PAX3: variants seen among roughly 807,000 people sequenced by gnomAD.
PAX3 encodes the protein paired box protein Pax-3.
A neutral mutation model predicts 51.6 loss-of-function variants in PAX3; 14 were observed. That is an observed-to-expected ratio of 0.27 (90% CI 0.18 to 0.42). The LOEUF (loss-of-function observed/expected upper bound fraction) is 0.42, where lower values mean the gene tolerates loss of function less well. Among genes scored for constraint, PAX3 ranks in the 10% least tolerant of loss-of-function variants. The pLI, the probability that PAX3 is intolerant of heterozygous loss-of-function variation, is 1.00. For missense variants in PAX3, 540 were observed against 642.8 expected (o/e 0.84, Z 1.73); for synonymous variants, 280 against 253.4 (o/e 1.11, Z -1.00).
chr2:222,244,717 G>A (rs1406034194), intron 4 of PAX3, among the ~76,000 whole-genome samples: 3 of 133,850 alleles, frequency 2.2e-5, no homozygotes, highest in Non-Finnish European at 4.6e-5. Context: ...CCCATAGTCA[G>A]ACAGTATATT....
chr2:222,294,094 G>C, intron 4 of PAX3, 73 bp downstream of exon 4: 1 of 1,605,388 alleles, frequency 6.2e-7, no homozygotes, highest in Non-Finnish European at 8.5e-7. Context: ...GCTGCCGTCA[G>C]ATCACCAATG....
chr2:222,244,092 C>T (rs1046188052), intron 4 of PAX3, among the ~76,000 whole-genome samples: 2 of 152,274 alleles, frequency 1.3e-5, no homozygotes, highest in African/African-American at 4.8e-5. Context: ...GTGTCACATC[C>T]AACCAATGGA....
rs770182620 is a variant in PAX3, at chr2:222,295,539, G to A, written c.440C>T (p.Thr147Ile). ...AATGGGCCTAGTACCTGACGGCACGGTGTTTCGATCACAGACCGCGTCCTT... is the reference window on the plus strand; with the variant it reads ...AATGGGCCTAGTACCTGACGGCACGATGTTTCGATCACAGACCGCGTCCTT... ...LLKDAVCDRNTVPSVSSISRI... is the reference protein window; with the variant it reads ...LLKDAVCDRNIVPSVSSISRI... Residue 147 changes from threonine (T) to isoleucine (I), a missense_variant, in exon 3 of 9, where the codon ACC becomes ATC. Around this residue, in one of 3 missense-constraint regions of PAX3, gnomAD observed 427 missense variants for 483.6 expected, o/e 0.88. Transcript: ENST00000392070. 5.6e-6 allele frequency: 9 copies of A among 1,614,246 alleles called. No homozygotes were observed. Among genetic ancestry groups the A allele is most frequent in the Non-Finnish European group, 7.6e-6 (9 of 1,180,044 alleles).
At chr2:222,258,929 T>G (rs564172820) in intron 4 of PAX3, among the ~76,000 whole-genome samples, 107 of 149,496 alleles carry the variant, frequency 7.2e-4, no homozygotes, top group African/African-American at 2.5e-3. Context: ...AATCTGCGGT[T>G]GACTGTGGCA....
At chr2:222,248,321 C>A (rs1171008640) in intron 4 of PAX3, among the ~76,000 whole-genome samples, 1 of 152,164 alleles carries the variant, frequency 6.6e-6, no homozygotes, top group East Asian at 1.9e-4. Context: ...AATGGACCAA[C>A]TGTTTGTCAT....
At chr2:222,204,822 A>G (rs998265044) in intron 7 of PAX3, among the ~76,000 whole-genome samples, 2 of 152,228 alleles carry the variant, frequency 1.3e-5, no homozygotes, top group African/African-American at 2.4e-5. Flanking sequence ...CTTACTTGAA[A>G]TTCAGTCAAT....
intron 4 of PAX3, among the ~76,000 whole-genome samples, chr2:222,292,549 C>T (rs1024316306): frequency 2.0e-5 from 3 of 152,216 alleles, no homozygotes; most frequent in South Asian, 2.1e-4. Context: ...CTGCCAGCGC[C>T]GGAGCCTCCA....
intron 7 of PAX3, among the ~76,000 whole-genome samples, chr2:222,217,479 A>G (rs952547006): frequency 6.6e-6 from 1 of 152,082 alleles, no homozygotes; most frequent in African/African-American, 2.4e-5. Flanking sequence ...TTCCCTCCCT[A>G]TCAATCCTTT....
chr2:222,229,963 C>T (rs1331689021), intron 5 of PAX3, among the ~76,000 whole-genome samples: 2 of 152,086 alleles, frequency 1.3e-5, no homozygotes, highest in African/African-American at 2.4e-5. Context: ...GCAAGTGGAT[C>T]GCTTGCACCT....
At position 222,220,200 on chromosome 2, in the gene PAX3, C is replaced by T; in HGVS notation, c.1113G>A (p.Val371=). The change falls in exon 7 of 9, where the codon GTG becomes GTA. Residue 371 remains valine (V), a synonymous_variant. Transcript: ENST00000392070. Reference sequence around the variant, plus strand: ...TGGGGTTGGAGGGCCCCGACGGAGGCACAAAGCTGTCTGTATAGCTGGAAA... The same window carrying T: ...TGGGGTTGGAGGGCCCCGACGGAGGTACAAAGCTGTCTGTATAGCTGGAAA... ...HGFSSYTDSF[V]PPSGPSNPMN... is the part of the protein sequence containing the mutation. 6.2e-7 allele frequency: 1 copy of T among 1,613,884 alleles called. No homozygotes were observed. The highest frequency in any genetic ancestry group is 2.2e-5 in the East Asian group (1 of 44,800).
chr2:222,260,591 GTTTTTTTTTTTT>G (rs374339768), intron 4 of PAX3, among the ~76,000 whole-genome samples: 1,789 of 63,112 alleles, frequency 0.028, 28 homozygotes, highest in Middle Eastern at 0.18. Context: ...TTTTTTTTTT[GTTTTTTTTTTTT>G]TTTTTTGAGG....
chr2:222,247,328 C>G (rs1693265134), intron 4 of PAX3, among the ~76,000 whole-genome samples: 1 of 152,014 alleles, frequency 6.6e-6, no homozygotes, highest in Admixed American at 6.6e-5. Context: ...AAGACAAATC[C>G]CAGGTAACTA....
In PAX3 at chr2:222,210,730, T is replaced by G. The variant is rs144863557; in HGVS notation, c.1174-8540A>C. Among the ~76,000 whole-genome samples, 494 of 152,326 alleles carry G rather than the reference T, an allele frequency of 3.2e-3. 8 individuals carry two copies. The highest frequency in any genetic ancestry group is 4.0e-3 in the Non-Finnish European group (272 of 68,030). On this transcript the variant is annotated intron_variant, in intron 7 of 8. Coordinates refer to ENST00000392070, the MANE Select transcript of PAX3 (RefSeq NM_181458.4). ...CTAAATGGACATCAATATGAATCCT[T>G]AGATCTTTGAAATGTCTAAGTAGAA...
At chr2:222,241,877 T>C (rs1693027828) in intron 4 of PAX3, among the ~76,000 whole-genome samples, 1 of 152,228 alleles carries the variant, frequency 6.6e-6, no homozygotes, top group Admixed American at 6.5e-5. Context: ...CTCTATGAAA[T>C]AGGACATAAG....
At chr2:222,275,464 A>C (rs151022937) in intron 4 of PAX3, among the ~76,000 whole-genome samples, 38 of 152,088 alleles carry the variant, frequency 2.5e-4, no homozygotes, top group Non-Finnish European at 4.6e-4. Flanking sequence ...CCACATTTTC[A>C]AAGTGCATTT....
chr2:222,281,172 C>G (rs937202664), intron 4 of PAX3, among the ~76,000 whole-genome samples: 2 of 152,174 alleles, frequency 1.3e-5, no homozygotes, highest in Non-Finnish European at 2.9e-5. Context: ...GCTAGTCCAC[C>G]GGGGGCACCA....
In PAX3 at chr2:222,237,811, T is replaced by C. The variant is rs1232367545; in HGVS notation, c.587-5528A>G. The stretch of plus-strand genomic sequence containing the variant: ...ATCTTTATTAAAGTTTTAATTTTGG[T>C]ATTTTGTATTACAATGAATGTAATA... On this transcript the variant is annotated intron_variant, in intron 4 of 8. Transcript: ENST00000392070. Among the ~76,000 whole-genome samples, 4 of 152,204 alleles carry C rather than the reference T, an allele frequency of 2.6e-5. No individual in the cohort carries two copies. In the East Asian group the frequency reaches 7.7e-4, roughly 29 times the overall value.
intron 4 of PAX3, chr2:222,262,503 T>C (rs1227587474): frequency 6.6e-6 from 1 of 152,136 alleles, no homozygotes; most frequent in Non-Finnish European, 1.5e-5. Context: ...TAATTGGGTA[T>C]GTAATATAAA....
chr2:222,282,025 A>G (rs1694665005), intron 4 of PAX3, among the ~76,000 whole-genome samples: 1 of 152,220 alleles, frequency 6.6e-6, no homozygotes, highest in African/African-American at 2.4e-5. Context: ...ACAGTCAAGA[A>G]AGAAGACGTG....
Sources: allele counts gnomAD v4.1 joint callset (sites outside exome capture counted in the v4.1 genomes callset), GRCh38; gene constraint gnomAD v4.1.1; regional missense constraint gnomAD v4.1.1; transcripts MANE v1.5; gene names NCBI Gene and HGNC (gene_info 2026-07-23, HGNC 2026-07-21).